The following SLC39A5 variants were observed in gnomAD, a reference collection of about 807,000 sequenced individuals.
SLC39A5 encodes the protein solute carrier family 39 member 5.
Under a neutral mutation model 46.9 loss-of-function variants are expected in SLC39A5, and 42 were observed. The ratio of observed to expected loss-of-function variants is 0.90; its 90% CI spans 0.70 to 1.16. The LOEUF (loss-of-function observed/expected upper bound fraction) is 1.16. Among genes scored for constraint, SLC39A5 ranks in the 50% most tolerant of loss-of-function variants. SLC39A5 has a pLI of 0.00. For synonymous variants in SLC39A5, 311 were observed against 323.1 expected, an observed-to-expected ratio of 0.96 and a Z score of 0.40; for missense variants, 677 against 686.8, an observed-to-expected ratio of 0.99 and a Z score of 0.16.
Position 56,235,669 on chromosome 12 carries a change from T to C in SLC39A5, c.914T>C (p.Leu305Pro), listed in dbSNP as rs747016013. The C allele has an allele frequency of 1.6e-5, 26 of 1,614,098 alleles. No individual in the cohort carries two copies. Among genetic ancestry groups the C allele is most frequent in the East Asian group, 2.2e-5 (1 of 44,876 alleles). Residue 305 changes from leucine (L) to proline (P), a missense_variant, in exon 8 of 13, where the codon CTG becomes CCG. By Grantham distance (98) the Leu-to-Pro change is moderately conservative. Coordinates refer to ENST00000454355, the MANE Select transcript of SLC39A5 (RefSeq NM_173596.3). The stretch of plus-strand genomic sequence containing the variant: ...CTGCTCTTTGTGCTGGAGAACATGC[T>C]GGGGCTTTTGCGGCACCGAGGGCTC... ...LFLLFVLENM[L>P]GLLRHRGLRP...
rs1316292377 is a variant in SLC39A5 at position 56,236,622 on chromosome 12, C to T, written c.1083C>T (p.His361=). ...AQGQREKNSQ[H]PPALAPPGHQ... is the part of the protein sequence containing the mutation. ...GCCAGAGGGAGAAGAACAGCCAGCACCCACCAGCTCTGGCCCCTCCTGGGC... is the reference window on the plus strand; with the variant it reads ...GCCAGAGGGAGAAGAACAGCCAGCATCCACCAGCTCTGGCCCCTCCTGGGC... The change falls in exon 10 of 13, where the codon CAC becomes CAT. Residue 361 remains histidine, a synonymous_variant. Transcript: ENST00000454355. 1.2e-6 allele frequency: 2 copies of T among 1,613,390 alleles called. No individual in the cohort carries two copies. Among genetic ancestry groups the T allele is most frequent in the Middle Eastern group, 1.6e-4 (1 of 6,082 alleles).
At position 56,235,549 on chromosome 12, in the gene SLC39A5, C is replaced by T. The variant is rs766266904; in HGVS notation, c.805-11C>T. The T allele has an allele frequency of 3.1e-6, 5 of 1,612,920 alleles. No homozygotes were observed. In the South Asian group the frequency reaches 5.5e-5, roughly 18 times the overall value. ...GGCTTCCAGAGTCTGCCCTGACCTT[C>T]TCTCTGTCAGGCACAAGAAGGGCGG... is the stretch of plus-strand genomic sequence containing the variant. On this transcript the variant is annotated splice_polypyrimidine_tract_variant and intron_variant, in intron 7 of 12. Coordinates refer to ENST00000454355, the MANE Select transcript of SLC39A5 (RefSeq NM_173596.3).
rs781004248 is a variant in SLC39A5, at chr12:56,231,237, G to C, written c.-38G>C. The stretch of plus-strand genomic sequence containing the variant: ...CCTCAGGATGTTTCGGGGAGAATAG[G>C]AGCCAGAACCTGAGCCCCTAAGCTA... On this transcript the variant is annotated 5_prime_UTR_variant, in exon 4 of 13. Transcript: ENST00000454355. 6.5e-7 allele frequency: 1 copy of C among 1,546,276 alleles called. No homozygotes were observed. Among genetic ancestry groups the C allele is most frequent in the Non-Finnish European group, 8.7e-7 (1 of 1,146,052 alleles).
intron 4 of SLC39A5, among the ~76,000 whole-genome samples, chr12:56,232,161 CTTTTTTT>C (rs767220492): frequency 1.2e-4 from 14 of 117,222 alleles, no homozygotes; most frequent in East Asian, 7.5e-4. Flanking sequence ...CTTTTCTTTT[CTTTTTTT>C]TTTTTTTTTT....
chr12:56,232,483 T>C (rs905213564), intron 4 of SLC39A5, among the ~76,000 whole-genome samples: 3 of 152,120 alleles, frequency 2.0e-5, no homozygotes, highest in African/African-American at 4.8e-5. Flanking sequence ...GCCCTTTTGG[T>C]TGTCGTCCTT....
chr12:56,232,131 A>G (rs979894163), intron 4 of SLC39A5, among the ~76,000 whole-genome samples: 21 of 148,868 alleles, frequency 1.4e-4, no homozygotes, highest in Non-Finnish European at 3.0e-4. Context: ...TTTGGCTCCA[A>G]ATTCGTAGAC....
Position 56,236,605 on chromosome 12 carries a change from G to A in SLC39A5, c.1066G>A (p.Glu356Lys), listed in dbSNP as rs756372930. ...APEPGAQGQR[E>K]KNSQHPPALA... ...AGAGCCAGGGGCTCAGGGCCAGAGG[G>A]AGAAGAACAGCCAGCACCCACCAGC... is the stretch of plus-strand genomic sequence containing the variant. Residue 356 changes from glutamate (E) to lysine (K), a missense_variant, in exon 10 of 13, where the codon GAG (glutamate) becomes AAG (lysine). Physicochemically the swap from Glu to Lys is moderately conservative, Grantham distance 56. Coordinates refer to ENST00000454355, the MANE Select transcript of SLC39A5 (RefSeq NM_173596.3). 8 of 1,613,124 alleles carry A rather than the reference G, an allele frequency of 5.0e-6. 1 individual carries two copies. In the South Asian group the frequency reaches 6.6e-5, roughly 13 times the overall value.
chr12:56,235,042 C>A lies in SLC39A5; in HGVS notation c.634+56C>A, dbSNP rs562634029. On this transcript the variant is annotated intron_variant, in intron 6 of 12. Transcript: ENST00000454355. ...CTGAATCCTGGAAGTGGGGCCCATG[C>A]CAAAAAGGAGGCTCACTGGGGTCCT... is the stretch of plus-strand genomic sequence containing the variant. 32 of 1,602,260 alleles carry A rather than the reference C, an allele frequency of 2.0e-5. No individual in the cohort carries two copies. The East Asian group carries it at 6.0e-4, about 30-fold the overall frequency.
In SLC39A5 at chr12:56,236,454, G is replaced by T. The variant is rs1481328143; in HGVS notation, c.1004G>T (p.Gly335Val). Residue 335 changes from glycine (G) to valine (V), a missense_variant, in exon 9 of 13, where the codon GGC becomes GTC. Coordinates refer to ENST00000454355, the MANE Select transcript of SLC39A5 (RefSeq NM_173596.3). ...ACACGCAACTTGGATCCGGAGAATG[G>T]CAGTGGGATGGCCCTTCAGCCCCTA... ...LETRNLDPEN[G>V]SGMALQPLQA... 6.2e-7 allele frequency: 1 copy of T among 1,614,276 alleles called. No homozygotes were observed. The highest frequency in any genetic ancestry group is 2.2e-5 in the East Asian group (1 of 44,892).
intron 8 of SLC39A5, chr12:56,235,923 A>G: frequency 1.8e-6 from 1 of 548,490 alleles, no homozygotes; most frequent in Non-Finnish European, 3.2e-6. Context: ...CGTGTCTGTA[A>G]TCCCAGCTAC....
chr12:56,236,328 G>A (rs1592379576), intron 8 of SLC39A5, 68 bp from the exon 9 acceptor site: 4 of 1,424,042 alleles, frequency 2.8e-6, no homozygotes, highest in East Asian at 4.5e-5. Flanking sequence ...CCCAGCTTGT[G>A]GCCTGGCTTC....
At position 56,236,455 on chromosome 12, in the gene SLC39A5, C is replaced by T. The variant is rs1176047812; in HGVS notation, c.1005C>T (p.Gly335=). The T allele has an allele frequency of 6.2e-7, 1 of 1,614,258 alleles. No homozygotes were observed. Among genetic ancestry groups the T allele is most frequent in the Non-Finnish European group, 8.5e-7 (1 of 1,180,042 alleles). Residue 335 remains glycine (G), a synonymous_variant, in exon 9 of 13, where the codon GGC becomes GGT. Coordinates refer to ENST00000454355, the MANE Select transcript of SLC39A5 (RefSeq NM_173596.3). ...CACGCAACTTGGATCCGGAGAATGG[C>T]AGTGGGATGGCCCTTCAGCCCCTAC... The part of the protein sequence containing the change: ...LETRNLDPEN[G]SGMALQPLQA...
Position 56,237,339 on chromosome 12 carries a change from T to C in SLC39A5, c.1478T>C (p.Met493Thr), listed in dbSNP as rs762152137. 1.3e-5 allele frequency: 21 copies of C among 1,584,730 alleles called. No individual in the cohort carries two copies. The highest frequency in any genetic ancestry group is 1.5e-5 in the Non-Finnish European group (18 of 1,164,432). Residue 493 changes from methionine to threonine, a missense_variant and splice_region_variant, in exon 12 of 13, where the codon ATG becomes ACG. Coordinates refer to ENST00000454355, the MANE Select transcript of SLC39A5 (RefSeq NM_173596.3). ...TTCCTCTATGTGGCCCTTGTGGACA[T>C]GGTGAGAGATGTCGGGTAGAGCAGA... ...GVFLYVALVD[M>T]LPALLRPPEP...
Position 56,237,746 on chromosome 12 carries a change from A to G in SLC39A5, c.*15A>G, listed in dbSNP as rs1870973839. The G allele has an allele frequency of 6.6e-7, 1 of 1,521,658 alleles. No individual in the cohort carries two copies. The highest frequency in any genetic ancestry group is 8.8e-7 in the Non-Finnish European group (1 of 1,136,678). 94.3% of individuals were successfully genotyped at this position (1,521,658 alleles called of 1,614,324 possible). ...CTGAGGGCTGATGGGGCCAGTGGAAAGGGGTCGGGTTGCCCTTCCTTCCCC... is the reference window on the plus strand; with the variant it reads ...CTGAGGGCTGATGGGGCCAGTGGAAGGGGGTCGGGTTGCCCTTCCTTCCCC... On this transcript the variant is annotated 3_prime_UTR_variant, in exon 13 of 13. Coordinates refer to ENST00000454355, the MANE Select transcript of SLC39A5 (RefSeq NM_173596.3).
In SLC39A5 at chr12:56,237,665, G is replaced by T. The variant is rs1191898138; in HGVS notation, c.1557G>T (p.Gly519=). The change falls in exon 13 of 13, where the codon GGG becomes GGT. Residue 519 remains glycine (G), a synonymous_variant. Transcript: ENST00000454355. ...VLLQGLGLLL[G]GGLMLAITLL... ...TGCAGGGGCTGGGGCTGCTGCTGGG[G>T]GGCGGCCTCATGCTTGCCATAACCC... is the stretch of plus-strand genomic sequence containing the variant. The T allele has an allele frequency of 6.2e-7, 1 of 1,608,996 alleles. No homozygotes were observed. The highest frequency in any genetic ancestry group is 1.7e-5 in the Admixed American group (1 of 59,084).
intron 3 of SLC39A5, 144 bp from the exon 4 acceptor site, chr12:56,231,060 A>T: frequency 1.9e-6 from 1 of 519,590 alleles, no homozygotes; most frequent in Non-Finnish European, 3.4e-6. Context: ...CTGCTCCCGC[A>T]GGAGGCAGTG....
At chr12:56,230,585 C>A (rs888940195) in intron 2 of SLC39A5, 1 of 152,296 alleles carries the variant, frequency 6.6e-6, no homozygotes, top group African/African-American at 2.4e-5. Context: ...TTTCCCAGGG[C>A]AGAGGGTGGC....
chr12:56,233,263 TC>T (rs1870408475), intron 5 of SLC39A5, among the ~76,000 whole-genome samples: 1 of 50,494 alleles, frequency 2.0e-5, no homozygotes, highest in Admixed American at 3.2e-4. Context: ...AGACTCTGTC[TC>T]AAAAAAAAAA....
At chr12:56,233,262 CTCAAAAA>C (rs1870407061) in intron 5 of SLC39A5, among the ~76,000 whole-genome samples, 2 of 63,786 alleles carry the variant, frequency 3.1e-5, no homozygotes, top group African/African-American at 1.4e-4. Flanking sequence ...GAGACTCTGT[CTCAAAAA>C]AAAAAAAAAA....
Sources: allele counts gnomAD v4.1 joint callset (sites outside exome capture counted in the v4.1 genomes callset), GRCh38; gene constraint gnomAD v4.1.1; transcripts MANE v1.5; gene names NCBI Gene and HGNC (gene_info 2026-07-23, HGNC 2026-07-21).